GNL1: variants seen among roughly 807,000 people sequenced by gnomAD.
GNL1 encodes the protein G protein nucleolar 1.
In GNL1, 21 loss-of-function variants were observed where a neutral mutation model predicts 75.2. The ratio of observed to expected loss-of-function variants is 0.28; its 90% confidence interval spans 0.20 to 0.40. GNL1 has a LOEUF of 0.40. Ranked by LOEUF, GNL1 falls within the 10% of genes least tolerant of loss-of-function variation. GNL1 has a pLI of 1.00. For missense variants in GNL1, 579 were observed against 775.0 expected, an observed-to-expected ratio of 0.75 and a Z score of 3.00; for synonymous variants, 287 against 303.4, an observed-to-expected ratio of 0.95 and a Z score of 0.56.
At chr6:30,553,893 G>A (rs1235577295) in intron 5 of GNL1, among the ~76,000 whole-genome samples, 1 of 152,236 alleles carries the variant, frequency 6.6e-6, no homozygotes, top group East Asian at 1.9e-4. Context: ...TTTTGTGTGT[G>A]CACAACTATG....
Position 30,555,610 on chromosome 6 carries a change from T to C in GNL1, c.184A>G (p.Arg62Gly). 1 of 1,614,036 alleles carries C rather than the reference T, an allele frequency of 6.2e-7. No homozygotes were observed. Among genetic ancestry groups the C allele is most frequent in the Non-Finnish European group, 8.5e-7 (1 of 1,179,978 alleles). The part of the protein sequence containing the change: ...DGESVTHHIR[R>G]LNQQPSQGLG... ...CCCTGAGAAGGCTGCTGGTTAAGCC[T>C]GCGGATATGATGGGTCACAGACTCC... Residue 62 changes from arginine (R) to glycine (G), a missense_variant, in exon 2 of 12, where the codon AGG becomes GGG. Physicochemically the swap from Arg to Gly is moderately radical, Grantham distance 125. Coordinates refer to ENST00000376621, the MANE Select transcript of GNL1 (RefSeq NM_005275.5). This position sits in a 1 kb window ranked among gnomAD's most constrained non-coding sequence, Gnocchi z 4.3.
rs1562714249 is a variant in GNL1, at chr6:30,554,582, C to T, written c.593G>A (p.Arg198Gln). Residue 198 changes from arginine (R) to glutamine (Q), a missense_variant, in exon 5 of 12, where the codon CGA becomes CAA. Arg to Gln is a conservative substitution (Grantham distance 43). Coordinates refer to ENST00000376621, the MANE Select transcript of GNL1 (RefSeq NM_005275.5). ...SDIVLLITDI[R>Q]HPVVNFPPAL... ...CTTATCCCTAGTACTCACTGGATGT[C>T]GGATATCAGTGATAAGCAGGACGAT... 6 of 1,586,766 alleles carry T rather than the reference C, an allele frequency of 3.8e-6. No individual in the cohort carries two copies. Among genetic ancestry groups the T allele is most frequent in the Non-Finnish European group, 4.3e-6 (5 of 1,156,274 alleles).
rs375776379 is a variant in GNL1, at chr6:30,555,532, C to T, written c.239+23G>A. On this transcript the variant is annotated intron_variant, in intron 2 of 11. Coordinates refer to ENST00000376621, the MANE Select transcript of GNL1 (RefSeq NM_005275.5). This position sits in a 1 kb window ranked among gnomAD's most constrained non-coding sequence, Gnocchi z 4.3. The stretch of plus-strand genomic sequence containing the variant: ...TTCCGGGTAGGCGGGAAAGCCGGGA[C>T]CAGCGCCCCCTCCCACCCTCACCGA... 506 of 1,598,206 alleles carry T rather than the reference C, an allele frequency of 3.2e-4. 3 individuals carry two copies. Among genetic ancestry groups the T allele is most frequent in the Middle Eastern group, 1.7e-3 (10 of 6,006 alleles).
chr6:30,546,791 T>C lies in GNL1; in HGVS notation c.1487A>G (p.Asn496Ser). The change falls in exon 11 of 12, where the codon AAT becomes AGT. Residue 496 changes from asparagine (N) to serine (S), a missense_variant. Asn to Ser is a conservative substitution (Grantham distance 46). Transcript: ENST00000376621. This position sits in a 1 kb window ranked among gnomAD's most constrained non-coding sequence, Gnocchi z 5.1. ...ACTGTTGGCTGCTCTGTACACATCA[T>C]TCCGAGCCGCCTTGGCTGTCTTGTA... ...RGYKTAKAARNDVYRAANSLL... is the reference protein window; with the variant it reads ...RGYKTAKAARSDVYRAANSLL... The C allele has an allele frequency of 6.3e-7, 1 of 1,597,910 alleles. No homozygotes were observed. Among genetic ancestry groups the C allele is most frequent in the Non-Finnish European group, 8.6e-7 (1 of 1,167,736 alleles).
intron 8 of GNL1, among the ~76,000 whole-genome samples, chr6:30,549,041 G>C (rs893639113): frequency 6.6e-6 from 1 of 151,594 alleles, no homozygotes; most frequent in African/African-American, 2.4e-5. Flanking sequence ...TCCCTCACCC[G>C]GGCTGGAGTG....
In GNL1 at chr6:30,555,446, T is replaced by C. The variant is rs995256345; in HGVS notation, c.239+109A>G. ...GGGAGCCGAGTGGCTAGCGGAGAAC[T>C]GTGGCATCCCAGGCCCACCGTCTTC... is the stretch of plus-strand genomic sequence containing the variant. On this transcript the variant is annotated intron_variant, in intron 2 of 11. Transcript: ENST00000376621. The surrounding 1 kb of genome is among the most constrained non-coding windows in gnomAD (Gnocchi z 4.3). 7.6e-5 allele frequency: 87 copies of C among 1,138,716 alleles called. No individual in the cohort carries two copies. The highest frequency in any genetic ancestry group is 9.8e-5 in the Non-Finnish European group (77 of 789,104). 70.5% of individuals were successfully genotyped at this position (1,138,716 alleles called of 1,614,324 possible). A position where few individuals can be genotyped will look rare whatever the true frequency, so the allele number is the denominator to read the frequency against.
chr6:30,555,303 T>A lies in GNL1; in HGVS notation c.240-112A>T. The A allele has an allele frequency of 7.5e-7, 1 of 1,330,554 alleles. No individual in the cohort carries two copies. The highest frequency in any genetic ancestry group is 1.9e-5 in the Admixed American group (1 of 53,230). The allele number at this position is 1,330,554 out of a possible 1,614,324, so 82.4% of individuals were successfully genotyped here. A position where few individuals can be genotyped will look rare whatever the true frequency, so the allele number is the denominator to read the frequency against. On this transcript the variant is annotated intron_variant, in intron 2 of 11. Coordinates refer to ENST00000376621, the MANE Select transcript of GNL1 (RefSeq NM_005275.5). The surrounding 1 kb of genome is among the most constrained non-coding windows in gnomAD (Gnocchi z 4.3). The stretch of plus-strand genomic sequence containing the variant: ...ACCATTCTCTCCAGAGTCGTTCAAG[T>A]CTCCTCTCTCAAGTCAGACTTCCCC...
At position 30,546,338 on chromosome 6, in the gene GNL1, A is replaced by G; in HGVS notation, c.1583-25T>C. 6.7e-7 allele frequency: 1 copy of G among 1,498,480 alleles called. No homozygotes were observed. Among genetic ancestry groups the G allele is most frequent in the Non-Finnish European group, 9.2e-7 (1 of 1,089,382 alleles). 92.8% of individuals were successfully genotyped at this position (1,498,480 alleles called of 1,614,324 possible). ...CCTGGGGAACCAAAACAAGAAAAAA[A>G]TGGAGGAGAGTTTTGAGCAAGAACT... On this transcript the variant is annotated intron_variant, in intron 11 of 11. Coordinates refer to ENST00000376621, the MANE Select transcript of GNL1 (RefSeq NM_005275.5). This position sits in a 1 kb window ranked among gnomAD's most constrained non-coding sequence, Gnocchi z 5.1.
chr6:30,555,711 T>A lies in GNL1; in HGVS notation c.83A>T (p.Asp28Val). 1.9e-6 allele frequency: 3 copies of A among 1,613,448 alleles called. No homozygotes were observed. The highest frequency in any genetic ancestry group is 1.7e-6 in the Non-Finnish European group (2 of 1,179,908). The change falls in exon 2 of 12, where the codon GAT (aspartate) becomes GTT (valine). Residue 28 changes from aspartate (D) to valine (V), a missense_variant. Physicochemically the swap from Asp to Val is radical, Grantham distance 152. Coordinates refer to ENST00000376621, the MANE Select transcript of GNL1 (RefSeq NM_005275.5). This position sits in a 1 kb window ranked among gnomAD's most constrained non-coding sequence, Gnocchi z 4.3. ...GCTGTTGGAACTGGAGCGCAGCCCA[T>A]CTTGAAGCCCTGCGGGGAGGGGCCG... ...DKRERKRGLQ[D>V]GLRSSSNSRS...
rs1292882650 is a variant in GNL1 at position 30,556,256 on chromosome 6, T to A, written c.-53A>T. 3 of 1,581,952 alleles carry A rather than the reference T, an allele frequency of 1.9e-6. No homozygotes were observed. In the South Asian group the frequency reaches 3.4e-5, roughly 18 times the overall value. ...TCCGCCGAGCTCCCGCCGCCTCAACTGACTGCCCCCCGGGGCAGCCCCCGC... is the reference window on the plus strand; with the variant it reads ...TCCGCCGAGCTCCCGCCGCCTCAACAGACTGCCCCCCGGGGCAGCCCCCGC... On this transcript the variant is annotated 5_prime_UTR_variant, in exon 1 of 12. Transcript: ENST00000376621. The surrounding 1 kb of genome is among the most constrained non-coding windows in gnomAD (Gnocchi z 5.7).
intron 5 of GNL1, among the ~76,000 whole-genome samples, 164 bp downstream of exon 5, chr6:30,554,411 A>G (rs17195425): frequency 3.9e-4 from 60 of 152,276 alleles, no homozygotes; most frequent in Non-Finnish European, 6.5e-4. Flanking sequence ...GACAGGCTAT[A>G]AGAGAATAAA....
At position 30,555,110 on chromosome 6, in the gene GNL1, C is replaced by A. The variant is rs1800057781; in HGVS notation, c.321G>T (p.Pro107=). Residue 107 remains proline, a synonymous_variant, in exon 3 of 12, where the codon CCG becomes CCT. Coordinates refer to ENST00000376621, the MANE Select transcript of GNL1 (RefSeq NM_005275.5). This position sits in a 1 kb window ranked among gnomAD's most constrained non-coding sequence, Gnocchi z 4.3. The part of the protein sequence containing the change: ...KRAAREQVLQ[P]VSAELLELDI... ...CCAGCTCCAACAACTCAGCACTGAC[C>A]GGCTGTAGAACTTGCTCCCGGGCTG... The A allele has an allele frequency of 4.3e-6, 7 of 1,612,902 alleles. No individual in the cohort carries two copies. The highest frequency in any genetic ancestry group is 5.9e-6 in the Non-Finnish European group (7 of 1,180,014).
chr6:30,547,625 G>T lies in GNL1; in HGVS notation c.1100-95C>A. 9.8e-7 allele frequency: 1 copy of T among 1,025,056 alleles called. No individual in the cohort carries two copies. Among genetic ancestry groups the T allele is most frequent in the Non-Finnish European group, 1.5e-6 (1 of 674,248 alleles). 63.5% of individuals were successfully genotyped at this position (1,025,056 alleles called of 1,614,324 possible). A position where few individuals can be genotyped will look rare whatever the true frequency, so the allele number is the denominator to read the frequency against. Reference sequence around the variant, plus strand: ...TAGGTAAAAGGGGAACTAAGGCTCAGAAATTAAGGAAATGGTATTGCAGAA... The same window carrying T: ...TAGGTAAAAGGGGAACTAAGGCTCATAAATTAAGGAAATGGTATTGCAGAA... On this transcript the variant is annotated intron_variant, in intron 8 of 11. Transcript: ENST00000376621. The surrounding 1 kb of genome is among the most constrained non-coding windows in gnomAD (Gnocchi z 5.5).
chr6:30,551,557 C>G (rs1799780218), intron 8 of GNL1, among the ~76,000 whole-genome samples: 1 of 152,144 alleles, frequency 6.6e-6, no homozygotes, highest in African/African-American at 2.4e-5. Flanking sequence ...CCTAATCATA[C>G]ATTCCTTTTT....
chr6:30,554,372 G>A (rs543758449), intron 5 of GNL1, among the ~76,000 whole-genome samples: 26 of 152,320 alleles, frequency 1.7e-4, no homozygotes, highest in African/African-American at 6.0e-4. Context: ...CTGTTTTGAA[G>A]AGAAGAGTGA....
rs1239876863 is a variant in GNL1 at position 30,555,726 on chromosome 6, G to A, written c.74-6C>T. Reference sequence around the variant, plus strand: ...GCGCAGCCCATCTTGAAGCCCTGCGGGGAGGGGCCGGTGACGCCAGTGCTG... The same window carrying A: ...GCGCAGCCCATCTTGAAGCCCTGCGAGGAGGGGCCGGTGACGCCAGTGCTG... On this transcript the variant is annotated splice_region_variant and splice_polypyrimidine_tract_variant and intron_variant, in intron 1 of 11. Coordinates refer to ENST00000376621, the MANE Select transcript of GNL1 (RefSeq NM_005275.5). The surrounding 1 kb of genome is among the most constrained non-coding windows in gnomAD (Gnocchi z 4.3). The A allele has an allele frequency of 1.9e-6, 3 of 1,612,798 alleles. No individual in the cohort carries two copies. Among genetic ancestry groups the A allele is most frequent in the Non-Finnish European group, 1.7e-6 (2 of 1,179,698 alleles).
chr6:30,555,791 C>T lies in GNL1; in HGVS notation c.74-71G>A. On this transcript the variant is annotated intron_variant, in intron 1 of 11. Coordinates refer to ENST00000376621, the MANE Select transcript of GNL1 (RefSeq NM_005275.5). This position sits in a 1 kb window ranked among gnomAD's most constrained non-coding sequence, Gnocchi z 4.3. The stretch of plus-strand genomic sequence containing the variant: ...GCCATAAGACCCTCTCCCCCATCGG[C>T]CTGACTCCCTTTCATCCCACTCAAC... 1.4e-6 allele frequency: 2 copies of T among 1,478,422 alleles called. No homozygotes were observed. The highest frequency in any genetic ancestry group is 2.3e-5 in the East Asian group (1 of 43,814). The allele number at this position is 1,478,422 out of a possible 1,614,324, so 91.6% of individuals were successfully genotyped here.
In GNL1 at chr6:30,555,245, A is replaced by AT; in HGVS notation, c.240-55dup. On this transcript the variant is annotated intron_variant, in intron 2 of 11. Coordinates refer to ENST00000376621, the MANE Select transcript of GNL1 (RefSeq NM_005275.5). The surrounding 1 kb of genome is among the most constrained non-coding windows in gnomAD (Gnocchi z 4.3). ...AGCAATCCTGTGGCCACAAACTCCT[A>AT]TTTTCTCCCCTCTTGTACAATCAAC... 6.2e-7 allele frequency: 1 copy of AT among 1,605,920 alleles called. No homozygotes were observed. Among genetic ancestry groups the AT allele is most frequent in the Non-Finnish European group, 8.5e-7 (1 of 1,174,442 alleles).
chr6:30,546,038 A>C lies in GNL1; in HGVS notation c.*34T>G. ...CCCCCAGGTCAGTCCAAAAGCAAAG[A>C]TACTGGGAGGGAAGATGGCGCTGGG... On this transcript the variant is annotated 3_prime_UTR_variant, in exon 12 of 12. Transcript: ENST00000376621. This position sits in a 1 kb window ranked among gnomAD's most constrained non-coding sequence, Gnocchi z 5.1. 1 of 1,522,836 alleles carries C rather than the reference A, an allele frequency of 6.6e-7. No homozygotes were observed. Among genetic ancestry groups the C allele is most frequent in the Middle Eastern group, 1.7e-4 (1 of 5,926 alleles). 94.3% of individuals were successfully genotyped at this position (1,522,836 alleles called of 1,614,324 possible).
Sources: gnomAD v4.1 joint callset for allele counts (sites outside exome capture counted in the v4.1 genomes callset) on GRCh38, gnomAD v4.1.1 for gene constraint, Gnocchi (gnomAD v3.1) non-coding constraint, MANE v1.5 for transcripts, NCBI Gene and HGNC (gene_info 2026-07-23, HGNC 2026-07-21) for gene names.